The following CERS6 variants were observed in gnomAD, a reference collection of about 807,000 sequenced individuals.
The protein encoded by CERS6 is LAG1 homolog, ceramide synthase 6.
CERS6 carries 26 observed loss-of-function variants against 56.8 expected under a neutral mutation model. The observed-to-expected ratio is 0.46, with a 90% CI of 0.34 to 0.63. The LOEUF (loss-of-function observed/expected upper bound fraction) is 0.63. CERS6 is among the 30% of genes least tolerant of loss of function. CERS6 has a pLI of 0.01. For synonymous variants in CERS6, 164 were observed against 173.3 expected, an observed-to-expected ratio of 0.95 and a Z score of 0.42; for missense variants, 415 against 467.5, an observed-to-expected ratio of 0.89 and a Z score of 1.04.
chr2:168,465,005 A>G (rs1038629576), intron 1 of CERS6, among the ~76,000 whole-genome samples: 4 of 152,230 alleles, frequency 2.6e-5, no homozygotes, highest in Non-Finnish European at 4.4e-5. Context: ...GAATTGCCAT[A>G]TGATACAGCA....
chr2:168,608,036 T>C (rs192689955), intron 3 of CERS6, among the ~76,000 whole-genome samples: 2 of 152,348 alleles, frequency 1.3e-5, no homozygotes, highest in Admixed American at 6.5e-5. Context: ...GGACAGGCCA[T>C]ATGCTTTCAC....
chr2:168,766,392 G>T (rs752241545), intron 9 of CERS6: 39 of 1,542,838 alleles, frequency 2.5e-5, no homozygotes, highest in Middle Eastern at 1.7e-4. Flanking sequence ...AGTGCCTCTT[G>T]CCTGTTGGAG....
chr2:168,765,576 T>C lies in CERS6; in HGVS notation c.846-16T>C, dbSNP rs1329297153. 6.2e-7 allele frequency: 1 copy of C among 1,609,944 alleles called. No homozygotes were observed. Among genetic ancestry groups the C allele is most frequent in the African/African-American group, 1.3e-5 (1 of 74,916 alleles). ...GAAAATGCCACATTCACTAATCACC[T>C]CCTTCTTTTCCTTAGGGTGTTAAAT... is the stretch of plus-strand genomic sequence containing the variant. On this transcript the variant is annotated splice_polypyrimidine_tract_variant and intron_variant, in intron 8 of 9. Coordinates refer to ENST00000305747, the MANE Select transcript of CERS6 (RefSeq NM_203463.3).
At chr2:168,625,458 A>G (rs1464834702) in intron 3 of CERS6, among the ~76,000 whole-genome samples, 1 of 152,202 alleles carries the variant, frequency 6.6e-6, no homozygotes, top group Non-Finnish European at 1.5e-5. Flanking sequence ...CAGTAAATAA[A>G]AGGATCACTC....
At chr2:168,700,544 A>G (rs760525339) in intron 6 of CERS6, among the ~76,000 whole-genome samples, 11 of 152,184 alleles carry the variant, frequency 7.2e-5, no homozygotes, top group Non-Finnish European at 1.6e-4. Flanking sequence ...GTAATAAAGG[A>G]CAATCCTTTA....
At chr2:168,651,731 G>C (rs1263332434) in intron 4 of CERS6, among the ~76,000 whole-genome samples, 1 of 152,132 alleles carries the variant, frequency 6.6e-6, no homozygotes, top group Non-Finnish European at 1.5e-5. Context: ...CTTCCCACCA[G>C]GTCCCTCCCT....
rs560028357 is a variant in CERS6, at chr2:168,770,855, G to A, written c.*1193G>A. ...CAGCATTACACTACAATGCTTCTTT[G>A]GTTTCCAGGAATTTTTTTCAAATGG... On this transcript the variant is annotated 3_prime_UTR_variant, in exon 10 of 10. Transcript: ENST00000305747. 2 of 152,182 alleles carry A rather than the reference G, an allele frequency of 1.3e-5. No individual in the cohort carries two copies. Among genetic ancestry groups the A allele is most frequent in the African/African-American group, 4.8e-5 (2 of 41,522 alleles). 9.4% of individuals were successfully genotyped at this position (152,182 alleles called of 1,614,324 possible). A position where few individuals can be genotyped will look rare whatever the true frequency, so the allele number is the denominator to read the frequency against.
At chr2:168,643,874 C>G (rs1685106093) in intron 4 of CERS6, among the ~76,000 whole-genome samples, 1 of 152,140 alleles carries the variant, frequency 6.6e-6, no homozygotes, top group East Asian at 1.9e-4. Context: ...GTTTCTTTTG[C>G]CATATAAGGT....
intron 1 of CERS6, among the ~76,000 whole-genome samples, chr2:168,527,824 A>G (rs986603136): frequency 1.3e-5 from 2 of 152,044 alleles, no homozygotes; most frequent in Non-Finnish European, 2.9e-5. Flanking sequence ...AGGCTCAAGC[A>G]ATCTTCCCAC....
intron 8 of CERS6, among the ~76,000 whole-genome samples, chr2:168,757,378 C>G (rs1684447373): frequency 6.6e-6 from 1 of 150,726 alleles, no homozygotes; most frequent in South Asian, 2.1e-4. Flanking sequence ...AAAAAAACAT[C>G]TGCCCCAGCC....
chr2:168,558,344 G>A (rs933760434), intron 2 of CERS6, among the ~76,000 whole-genome samples: 2 of 152,166 alleles, frequency 1.3e-5, no homozygotes, highest in African/African-American at 4.8e-5. Context: ...CTCAGAAGCT[G>A]CAAAATGTCC....
At chr2:168,459,681 A>G (rs1285977082) in intron 1 of CERS6, among the ~76,000 whole-genome samples, 1 of 152,052 alleles carries the variant, frequency 6.6e-6, no homozygotes, top group Non-Finnish European at 1.5e-5. Context: ...TAAAAATTGT[A>G]TACCATTATA....
chr2:168,509,870 G>T (rs548205596), intron 1 of CERS6, among the ~76,000 whole-genome samples: 10 of 152,254 alleles, frequency 6.6e-5, no homozygotes, highest in Non-Finnish European at 1.0e-4. Flanking sequence ...AGACGAGCCT[G>T]ATCAACACAG....
At position 168,474,611 on chromosome 2, in the gene CERS6, G is replaced by A. The variant is rs916067835; in HGVS notation, c.170+17993G>A. On this transcript the variant is annotated intron_variant, in intron 1 of 9. Coordinates refer to ENST00000305747, the MANE Select transcript of CERS6 (RefSeq NM_203463.3). The stretch of plus-strand genomic sequence containing the variant: ...AGAAGGTTGGGATGCTGGTTAGGAA[G>A]GAAATTTAATAATACCATAACAAGA... 2.6e-5 allele frequency among the ~76,000 whole-genome samples: 4 copies of A among 151,778 alleles called. No homozygotes were observed. The East Asian group carries it at 7.7e-4, about 29-fold the overall frequency.
intron 4 of CERS6, among the ~76,000 whole-genome samples, chr2:168,649,448 A>G (rs1685288372): frequency 6.6e-6 from 1 of 152,142 alleles, no homozygotes; most frequent in African/African-American, 2.4e-5. Flanking sequence ...AATGTGGATT[A>G]TTTATGGCAG....
chr2:168,721,549 TTTTTG>T (rs1687366306), intron 8 of CERS6, among the ~76,000 whole-genome samples: 1 of 30,324 alleles, frequency 3.3e-5, no homozygotes, highest in Non-Finnish European at 1.4e-4. Flanking sequence ...TTAGTTTTTG[TTTTTG>T]TTTTTTTTTT....
At position 168,572,505 on chromosome 2, in the gene CERS6, A is replaced by AT. The variant is rs1341329951; in HGVS notation, c.407+11185dup. 5.3e-5 allele frequency among the ~76,000 whole-genome samples: 8 copies of AT among 151,740 alleles called. No homozygotes were observed. In the East Asian group the frequency reaches 9.6e-4, roughly 18 times the overall value. ...CCAGCTGAAGCACAATGTTAGAGAA[A>AT]TTCAGTAATAATATAATATTTTACG... On this transcript the variant is annotated intron_variant, in intron 3 of 9. Coordinates refer to ENST00000305747, the MANE Select transcript of CERS6 (RefSeq NM_203463.3).
intron 6 of CERS6, among the ~76,000 whole-genome samples, chr2:168,696,441 C>T (rs1279582888): frequency 6.6e-6 from 1 of 152,174 alleles, no homozygotes. Flanking sequence ...AGTAGTCATT[C>T]TTGTTTATCT....
chr2:168,567,948 T>C (rs1251991789), intron 3 of CERS6, among the ~76,000 whole-genome samples: 1 of 152,226 alleles, frequency 6.6e-6, no homozygotes, highest in Non-Finnish European at 1.5e-5. Flanking sequence ...GTCTGCTCTT[T>C]TGCCTCGAGT....
Sources: gnomAD v4.1 joint callset for allele counts (sites outside exome capture counted in the v4.1 genomes callset) on GRCh38, gnomAD v4.1.1 for gene constraint, MANE v1.5 for transcripts, NCBI Gene and HGNC (gene_info 2026-07-23, HGNC 2026-07-21) for gene names.